TRAPPC12: variants seen among roughly 807,000 people sequenced by gnomAD.
TRAPPC12 encodes TPR repeat protein 15.
TRAPPC12 carries 61 observed loss-of-function variants against 69.2 expected under a neutral mutation model. That is an observed-to-expected ratio of 0.88 (90% CI 0.72 to 1.09). The LOEUF (loss-of-function observed/expected upper bound fraction) is 1.09, where lower values mean the gene tolerates loss of function less well. TRAPPC12 is among the 50% of genes least tolerant of loss of function. The pLI is 0.00. For synonymous variants in TRAPPC12, 469 were observed against 438.9 expected, an observed-to-expected ratio of 1.07 and a Z score of -0.86; for missense variants, 1,101 against 1,016.4, an observed-to-expected ratio of 1.08 and a Z score of -1.13.
intron 3 of TRAPPC12, among the ~76,000 whole-genome samples, chr2:3,403,391 C>T (rs1283462249): frequency 6.6e-6 from 1 of 152,070 alleles, no homozygotes; most frequent in Non-Finnish European, 1.5e-5. Flanking sequence ...CACCACCACA[C>T]CCGGCTAATT....
chr2:3,457,877 G>A, intron 7 of TRAPPC12, 184 bp downstream of exon 7: 1 of 1,434,974 alleles, frequency 7.0e-7, no homozygotes. Flanking sequence ...TGATGCTGTG[G>A]GTGCAACGTG....
intron 1 of TRAPPC12, among the ~76,000 whole-genome samples, chr2:3,383,640 C>T (rs922931580): frequency 2.6e-5 from 4 of 151,644 alleles, no homozygotes; most frequent in Non-Finnish European, 5.9e-5. Flanking sequence ...CTCCTGACCT[C>T]GTGATACGCC....
chr2:3,463,347 G>A (rs560876770), intron 8 of TRAPPC12, among the ~76,000 whole-genome samples: 5 of 151,930 alleles, frequency 3.3e-5, no homozygotes, highest in Admixed American at 3.3e-4. Context: ...ACACCTGAGG[G>A]ACTGGCGAGC....
intron 9 of TRAPPC12, among the ~76,000 whole-genome samples, chr2:3,471,523 A>C (rs1666059157): frequency 6.6e-6 from 1 of 152,200 alleles, no homozygotes; most frequent in Non-Finnish European, 1.5e-5. Flanking sequence ...TTAGAGCACC[A>C]GGGCCTCCAC....
intron 3 of TRAPPC12, among the ~76,000 whole-genome samples, chr2:3,407,659 G>A (rs1326972370): frequency 4.6e-5 from 7 of 151,920 alleles, no homozygotes; most frequent in South Asian, 4.1e-4. Flanking sequence ...AAAATTAGCC[G>A]GGCGTGGTGG....
At chr2:3,418,101 C>G (rs1662544007) in intron 3 of TRAPPC12, among the ~76,000 whole-genome samples, 1 of 21,208 alleles carries the variant, frequency 4.7e-5, no homozygotes, top group Admixed American at 3.3e-4. Flanking sequence ...GCCTGTAATC[C>G]CATAATCCCA....
At chr2:3,421,610 A>G (rs1455826242) in intron 3 of TRAPPC12, 14 of 667,474 alleles carry the variant, frequency 2.1e-5, no homozygotes, top group African/African-American at 1.2e-4. Context: ...CCGATGTTCT[A>G]TCGGTTGTTG....
chr2:3,429,032 C>T (rs915900249), intron 5 of TRAPPC12, among the ~76,000 whole-genome samples: 3 of 152,230 alleles, frequency 2.0e-5, no homozygotes, highest in Non-Finnish European at 4.4e-5. Flanking sequence ...TCCCCAGCAC[C>T]CAGGCTGCAA....
rs572974148 is a variant in TRAPPC12, at chr2:3,401,766, A to G, written c.1048-11A>G. 21 of 1,537,462 alleles carry G rather than the reference A, an allele frequency of 1.4e-5. 1 individual carries two copies. The Middle Eastern group carries it at 5.2e-4, about 38-fold the overall frequency. ...TATTGTCTTGACATATTTTTCTTCTATTCTTCCCAGGGAGATGCAGTTAAA... is the reference window on the plus strand; with the variant it reads ...TATTGTCTTGACATATTTTTCTTCTGTTCTTCCCAGGGAGATGCAGTTAAA... On this transcript the variant is annotated splice_polypyrimidine_tract_variant and intron_variant, in intron 2 of 11. Coordinates refer to ENST00000324266, the MANE Select transcript of TRAPPC12 (RefSeq NM_016030.6).
At chr2:3,450,883 G>A (rs753170817) in intron 6 of TRAPPC12, among the ~76,000 whole-genome samples, 11 of 151,602 alleles carry the variant, frequency 7.3e-5, no homozygotes, top group African/African-American at 1.9e-4. Flanking sequence ...GCTCACCCAC[G>A]ACCCGTGACA....
intron 2 of TRAPPC12, among the ~76,000 whole-genome samples, chr2:3,390,573 A>C (rs1660765830): frequency 6.6e-6 from 1 of 152,208 alleles, no homozygotes; most frequent in African/African-American, 2.4e-5. Context: ...AAATGATGCC[A>C]GGGGTTAGGG....
At chr2:3,428,780 G>T (rs1663260973) in intron 5 of TRAPPC12, among the ~76,000 whole-genome samples, 1 of 152,112 alleles carries the variant, frequency 6.6e-6, no homozygotes, top group African/African-American at 2.4e-5. Context: ...AGGACTACGT[G>T]CCTGGGGCCG....
At chr2:3,384,052 C>T (rs929301282) in intron 1 of TRAPPC12, among the ~76,000 whole-genome samples, 12 of 151,902 alleles carry the variant, frequency 7.9e-5, no homozygotes, top group African/African-American at 2.9e-4. Context: ...CCCTCCACCA[C>T]ACCTGGCTAA....
At chr2:3,436,968 C>A (rs1332672490) in intron 5 of TRAPPC12, among the ~76,000 whole-genome samples, 2 of 88,470 alleles carry the variant, frequency 2.3e-5, no homozygotes, top group African/African-American at 9.1e-5. Context: ...CTGGATTAAT[C>A]CCCCAATCAC....
At chr2:3,443,313 T>A (rs1664325105) in intron 5 of TRAPPC12, among the ~76,000 whole-genome samples, 1 of 152,202 alleles carries the variant, frequency 6.6e-6, no homozygotes, top group Admixed American at 6.5e-5. Context: ...TCCCCACTGG[T>A]TTTCCCGGGA....
intron 9 of TRAPPC12, chr2:3,467,813 G>A (rs1294438334): frequency 6.6e-6 from 1 of 152,380 alleles, no homozygotes; most frequent in Non-Finnish European, 1.5e-5. Flanking sequence ...GACCTCTCCT[G>A]TGTTGGGACC....
At chr2:3,468,565 G>A (rs1169465562) in intron 9 of TRAPPC12, among the ~76,000 whole-genome samples, 1 of 152,160 alleles carries the variant, frequency 6.6e-6, no homozygotes, top group African/African-American at 2.4e-5. Context: ...CCTATGTCTT[G>A]AGGATGGGTT....
chr2:3,425,789 C>T (rs955325894), intron 5 of TRAPPC12, among the ~76,000 whole-genome samples: 1 of 151,986 alleles, frequency 6.6e-6, no homozygotes, highest in African/African-American at 2.4e-5. Context: ...GATGCAAAGG[C>T]CTGATTAATA....
intron 3 of TRAPPC12, 93 bp downstream of exon 3, chr2:3,401,986 T>A: frequency 2.2e-6 from 2 of 893,350 alleles, no homozygotes; most frequent in Non-Finnish European, 3.4e-6. Context: ...ATTTTGAATA[T>A]TATTCAAAGC....
Sources: gnomAD v4.1 joint callset for allele counts (sites outside exome capture counted in the v4.1 genomes callset) on GRCh38, gnomAD v4.1.1 for gene constraint, MANE v1.5 for transcripts, NCBI Gene and HGNC (gene_info 2026-07-23, HGNC 2026-07-21) for gene names.